The following TCF20 variants were observed in gnomAD, a reference collection of about 807,000 sequenced individuals.
TCF20 encodes transcription factor 20.
In TCF20, 3 loss-of-function variants were observed where a neutral mutation model predicts 148.6. That is an observed-to-expected ratio of 0.02 (90% CI 0.01 to 0.05). TCF20 has a LOEUF of 0.05. Ranked by LOEUF, TCF20 falls within the 10% of genes least tolerant of loss-of-function variation. The pLI, the probability that TCF20 is intolerant of heterozygous loss-of-function variation, is 1.00. For synonymous variants in TCF20, 1,049 were observed against 909.5 expected (o/e 1.15, Z -2.76); for missense variants, 2,350 against 2,429.3 (o/e 0.97, Z 0.69).
Position 42,270,347 on chromosome 22 carries a change from G to A in TCF20, c.-45C>T, listed in dbSNP as rs893309754. On this transcript the variant is annotated 5_prime_UTR_variant, in exon 1 of 6. Coordinates refer to ENST00000677622, the MANE Select transcript of TCF20 (RefSeq NM_001378418.1). ...GCCCGGGAGGCGGTTACCTGCAGGA[G>A]CCCCCCGCCCAGTCCCTCGGCCTCC... Among the ~76,000 whole-genome samples the A allele has an allele frequency of 1.3e-5, 2 of 151,542 alleles. No individual in the cohort carries two copies. Among genetic ancestry groups the A allele is most frequent in the Non-Finnish European group, 1.5e-5 (1 of 67,762 alleles).
intron 1 of TCF20, chr22:42,278,818 G>C (rs567579585): frequency 9.2e-5 from 14 of 152,274 alleles, no homozygotes; most frequent in Non-Finnish European, 7.3e-5. Context: ...CTAAGGCTCA[G>C]AGCAATAAAT....
At chr22:42,293,841 A>G (rs1927176743) in intron 1 of TCF20, among the ~76,000 whole-genome samples, 2 of 152,188 alleles carry the variant, frequency 1.3e-5, no homozygotes, top group African/African-American at 2.4e-5. Flanking sequence ...CTCTACTAAC[A>G]TTACAAAAAT....
Position 42,213,514 on chromosome 22 carries a change from T to C in TCF20, c.1792A>G (p.Lys598Glu), listed in dbSNP as rs750008041. Residue 598 changes from lysine (K) to glutamate (E), a missense_variant, in exon 2 of 6, where the codon AAG becomes GAG. Physicochemically the swap from Lys to Glu is moderately conservative, Grantham distance 56 (BLOSUM62 1). Coordinates refer to ENST00000677622, the MANE Select transcript of TCF20 (RefSeq NM_001378418.1). ...DMPLSSDGNP[K>E]VNEKTVGVIV... ...ACCCCAACAGTCTTCTCATTAACCTTTGGGTTCCCGTCGGATGACAATGGC... is the reference window on the plus strand; with the variant it reads ...ACCCCAACAGTCTTCTCATTAACCTCTGGGTTCCCGTCGGATGACAATGGC... The C allele has an allele frequency of 3.7e-6, 6 of 1,614,172 alleles. No individual in the cohort carries two copies. Among genetic ancestry groups the C allele is most frequent in the South Asian group, 1.1e-5 (1 of 91,086 alleles).
At chr22:42,257,358 A>C (rs1338458486) in intron 1 of TCF20, among the ~76,000 whole-genome samples, 1 of 152,246 alleles carries the variant, frequency 6.6e-6, no homozygotes, top group Non-Finnish European at 1.5e-5. Context: ...CAAGTTTTCT[A>C]CAACAAATCC....
upstream of TCF20, among the ~76,000 whole-genome samples, chr22:42,271,880 A>C (rs1037071686): frequency 3.3e-5 from 5 of 152,176 alleles, no homozygotes; most frequent in African/African-American, 1.2e-4. Context: ...TTTGAGGTAC[A>C]CAGCTTCCCG....
chr22:42,300,664 G>A (rs984641652), intron 1 of TCF20, among the ~76,000 whole-genome samples: 3 of 152,176 alleles, frequency 2.0e-5, no homozygotes, highest in African/African-American at 4.8e-5. Flanking sequence ...CTGGGAAAGG[G>A]AAGTATAGGG....
At chr22:42,205,188 A>C (rs1203258753) in intron 2 of TCF20, among the ~76,000 whole-genome samples, 1 of 152,120 alleles carries the variant, frequency 6.6e-6, no homozygotes. Context: ...TGTGATTCTC[A>C]TACACAATTA....
At chr22:42,254,996 G>A (rs1226801310) in intron 1 of TCF20, among the ~76,000 whole-genome samples, 1 of 127,790 alleles carries the variant, frequency 7.8e-6, no homozygotes, top group Non-Finnish European at 1.6e-5. Context: ...GGAAAAACAT[G>A]ATTAGAGGTG....
chr22:42,227,232 G>A (rs555385633), intron 1 of TCF20, among the ~76,000 whole-genome samples: 29 of 152,262 alleles, frequency 1.9e-4, no homozygotes, highest in East Asian at 7.7e-4. Context: ...AGCTAAGATC[G>A]TTCCATTGCA....
chr22:42,226,328 T>G (rs1198709153), intron 1 of TCF20, among the ~76,000 whole-genome samples: 1 of 152,396 alleles, frequency 6.6e-6, no homozygotes, highest in African/African-American at 2.4e-5. Flanking sequence ...ACATAATTTC[T>G]AAACCTTCAG....
rs1921508883 is a variant in TCF20, at chr22:42,214,687, G to A, written c.619C>T (p.His207Tyr). ...ATGQPASSSS[H>Y]LQPMQRPSTL... ...GAGGGCCGCTGCATTGGCTGTAGATGGGATGAGCTGGATGCTGGTTGGCCA... is the reference window on the plus strand; with the variant it reads ...GAGGGCCGCTGCATTGGCTGTAGATAGGATGAGCTGGATGCTGGTTGGCCA... Residue 207 changes from histidine to tyrosine, a missense_variant, in exon 2 of 6, where the codon CAT becomes TAT. Around this residue, in one of 7 missense-constraint regions of TCF20, gnomAD observed 1,641 missense variants for 1,662.6 expected, o/e 0.99. Coordinates refer to ENST00000677622, the MANE Select transcript of TCF20 (RefSeq NM_001378418.1). 1 of 1,614,188 alleles carries A rather than the reference G, an allele frequency of 6.2e-7. No individual in the cohort carries two copies. The highest frequency in any genetic ancestry group is 8.5e-7 in the Non-Finnish European group (1 of 1,180,034).
upstream of TCF20, chr22:42,274,403 G>A (rs1249997518): frequency 6.6e-6 from 1 of 152,328 alleles, no homozygotes; most frequent in Non-Finnish European, 1.5e-5. Context: ...CCGCATGGAG[G>A]GAGCATGGGG....
intron 1 of TCF20, among the ~76,000 whole-genome samples, chr22:42,281,668 T>C (rs1926905281): frequency 6.6e-6 from 1 of 152,210 alleles, no homozygotes; most frequent in Admixed American, 6.5e-5. Flanking sequence ...CTCACAGGGG[T>C]ACTCAGGGAA....
At chr22:42,235,527 G>C (rs1923808584) in intron 1 of TCF20, among the ~76,000 whole-genome samples, 1 of 152,100 alleles carries the variant, frequency 6.6e-6, no homozygotes, top group African/African-American at 2.4e-5. Flanking sequence ...AAATCATCTA[G>C]AAATAGGATT....
At chr22:42,280,325 TC>T (rs1346439023) in intron 1 of TCF20, among the ~76,000 whole-genome samples, 2 of 152,186 alleles carry the variant, frequency 1.3e-5, no homozygotes, top group Non-Finnish European at 2.9e-5. Context: ...TGTAGGTGAC[TC>T]CGCCACGTAT....
At chr22:42,265,419 A>T (rs1926231414) in intron 1 of TCF20, among the ~76,000 whole-genome samples, 1 of 152,136 alleles carries the variant, frequency 6.6e-6, no homozygotes, top group African/African-American at 2.4e-5. Flanking sequence ...AATGATCCTC[A>T]CACCTCAGCC....
chr22:42,203,999 A>G (rs979216416), intron 2 of TCF20, among the ~76,000 whole-genome samples: 2 of 152,250 alleles, frequency 1.3e-5, no homozygotes, highest in African/African-American at 4.8e-5. Context: ...TCTATTTTAC[A>G]GTTAAACTAG....
At chr22:42,270,732 G>GGGCGGGGCGCGC (rs1306821310), upstream of TCF20, among the ~76,000 whole-genome samples, 2 of 143,470 alleles carry the variant, frequency 1.4e-5, no homozygotes, top group African/African-American at 2.5e-5. Flanking sequence ...GCGCGCGGCG[G>GGGCGGGGCGCGC]GGCGGGGCGC....
chr22:42,257,687 T>G (rs554280198), intron 1 of TCF20, among the ~76,000 whole-genome samples: 10 of 152,336 alleles, frequency 6.6e-5, no homozygotes, highest in African/African-American at 2.2e-4. Context: ...AAGTCTTTTT[T>G]CAGCAAAAAT....
Sources: gnomAD v4.1 joint callset for allele counts (sites outside exome capture counted in the v4.1 genomes callset) on GRCh38, gnomAD v4.1.1 for gene constraint, gnomAD v4.1.1 regional missense constraint, MANE v1.5 for transcripts, NCBI Gene and HGNC (gene_info 2026-07-23, HGNC 2026-07-21) for gene names.